TBC1D9: variants seen among roughly 807,000 people sequenced by gnomAD.
TBC1D9 encodes the protein TBC1 domain family member 9, also known as TBC1 domain family member 9A.
A neutral mutation model predicts 132.0 loss-of-function variants in TBC1D9; 63 were observed. The observed-to-expected ratio is 0.48, with a 90% CI of 0.39 to 0.59. The LOEUF (loss-of-function observed/expected upper bound fraction) is 0.59, where lower values mean the gene tolerates loss of function less well. TBC1D9 is among the 20% of genes least tolerant of loss of function. The pLI, the probability that TBC1D9 is intolerant of heterozygous loss-of-function variation, is 0.00. For synonymous variants in TBC1D9, 610 were observed against 609.9 expected (o/e 1.00, Z 0.00); for missense variants, 1,261 against 1,592.7 (o/e 0.79, Z 3.54).
chr4:140,710,531 C>G (rs1312879962), intron 1 of TBC1D9, among the ~76,000 whole-genome samples: 1 of 152,176 alleles, frequency 6.6e-6, no homozygotes, highest in Non-Finnish European at 1.5e-5. Context: ...TATGACTAAA[C>G]AAACAGAGCA....
At chr4:140,734,701 G>A (rs1738647971) in intron 1 of TBC1D9, among the ~76,000 whole-genome samples, 1 of 152,094 alleles carries the variant, frequency 6.6e-6, no homozygotes, top group Non-Finnish European at 1.5e-5. Flanking sequence ...AGGTTGAGGT[G>A]GGAAGAACGT....
At chr4:140,663,961 CTAATG>C (rs1737404336) in intron 9 of TBC1D9, among the ~76,000 whole-genome samples, 1 of 146,490 alleles carries the variant, frequency 6.8e-6, no homozygotes, top group Non-Finnish European at 1.5e-5. Flanking sequence ...TTCTGAAGAT[CTAATG>C]TAATACTGTA....
intron 13 of TBC1D9, among the ~76,000 whole-genome samples, chr4:140,649,969 T>C (rs1038250754): frequency 2.0e-5 from 3 of 152,228 alleles, no homozygotes; most frequent in Admixed American, 6.5e-5. Flanking sequence ...CGTAAAAATA[T>C]ATCATTTAAT....
At chr4:140,645,176 C>T in intron 13 of TBC1D9, 1 of 550,550 alleles carries the variant, frequency 1.8e-6, no homozygotes, top group Non-Finnish European at 3.6e-6. Flanking sequence ...CTCTGAGCAG[C>T]TTCTCCTGAT....
chr4:140,687,378 A>G (rs924391399), intron 2 of TBC1D9, among the ~76,000 whole-genome samples: 8 of 70,306 alleles, frequency 1.1e-4, no homozygotes, highest in Non-Finnish European at 1.7e-4. Context: ...ATATATATAT[A>G]TATATATATA....
chr4:140,631,603 T>C (rs1736796124), intron 16 of TBC1D9, among the ~76,000 whole-genome samples: 1 of 17,056 alleles, frequency 5.9e-5, no homozygotes, highest in Non-Finnish European at 1.1e-4. Flanking sequence ...TAGTTTTTCT[T>C]TTTTTTTTTT....
In TBC1D9 at chr4:140,647,282, A is replaced by C. The variant is rs1002457256; in HGVS notation, c.2338-7854T>G. Among the ~76,000 whole-genome samples, 3 of 152,216 alleles carry C rather than the reference A, an allele frequency of 2.0e-5. No individual in the cohort carries two copies. In the East Asian group the frequency reaches 5.8e-4, roughly 29 times the overall value. On this transcript the variant is annotated intron_variant, in intron 13 of 20. Coordinates refer to ENST00000442267, the MANE Select transcript of TBC1D9 (RefSeq NM_015130.3). Reference sequence around the variant, plus strand: ...GGCAAACCAAGGCTTGGAGAGGTTAATTAAGTCCCCCAGAGTTCCACAGTG... The same window carrying C: ...GGCAAACCAAGGCTTGGAGAGGTTACTTAAGTCCCCCAGAGTTCCACAGTG...
chr4:140,706,354 A>G lies in TBC1D9; in HGVS notation c.131-4740T>C, dbSNP rs1221711517. ...GGGAGTGGGCTCAGCTTTGGCTCAC[A>G]TACCAGCCAGTCCCTTAATCTCTCT... On this transcript the variant is annotated intron_variant, in intron 1 of 20. Coordinates refer to ENST00000442267, the MANE Select transcript of TBC1D9 (RefSeq NM_015130.3). This position sits in a 1 kb window ranked among gnomAD's most constrained non-coding sequence, Gnocchi z 4.0. Among the ~76,000 whole-genome samples, 2 of 152,210 alleles carry G rather than the reference A, an allele frequency of 1.3e-5. No individual in the cohort carries two copies. The highest frequency in any genetic ancestry group is 2.9e-5 in the Non-Finnish European group (2 of 68,026).
intron 3 of TBC1D9, among the ~76,000 whole-genome samples, chr4:140,681,082 A>G (rs1458825717): frequency 1.3e-5 from 2 of 152,126 alleles, no homozygotes; most frequent in Non-Finnish European, 2.9e-5. Flanking sequence ...GGATCCAACC[A>G]ATGCCGCAAC....
intron 1 of TBC1D9, among the ~76,000 whole-genome samples, chr4:140,711,239 G>T (rs1738238445): frequency 6.6e-6 from 1 of 152,170 alleles, no homozygotes; most frequent in Non-Finnish European, 1.5e-5. Context: ...TGTGCAACAG[G>T]AAGTTATATT....
In TBC1D9 at chr4:140,679,145, A is replaced by C. The variant is rs746138865; in HGVS notation, c.648T>G (p.Leu216=). ...ITQLEKNATL[L]LPDVIKVSTR... is the part of the protein sequence containing the mutation. ...TGCTCACTTTGATCACATCAGGCAGAAGCAGGGTGGCATTCTTCTCAAGCT... is the reference window on the plus strand; with the variant it reads ...TGCTCACTTTGATCACATCAGGCAGCAGCAGGGTGGCATTCTTCTCAAGCT... Residue 216 remains leucine, a synonymous_variant, in exon 5 of 21, where the codon CTT becomes CTG. Coordinates refer to ENST00000442267, the MANE Select transcript of TBC1D9 (RefSeq NM_015130.3). The C allele has an allele frequency of 5.6e-6, 9 of 1,613,760 alleles. No homozygotes were observed.
At chr4:140,705,079 T>A (rs1738130094) in intron 1 of TBC1D9, among the ~76,000 whole-genome samples, 1 of 152,214 alleles carries the variant, frequency 6.6e-6, no homozygotes. Flanking sequence ...GCACTGGATA[T>A]CCAAACAGAA....
chr4:140,643,083 G>A (rs1737033641), intron 13 of TBC1D9: 2 of 1,349,778 alleles, frequency 1.5e-6, no homozygotes, highest in Admixed American at 2.0e-5. Context: ...CTTATTGTGG[G>A]CTTCAGCTCC....
intron 18 of TBC1D9, 85 bp downstream of exon 18, chr4:140,627,356 C>T: frequency 1.2e-6 from 1 of 833,644 alleles, no homozygotes; most frequent in Non-Finnish European, 1.9e-6. Context: ...CTTTGATTGA[C>T]TAGCTTTGGA....
chr4:140,698,424 CT>C (rs1160169704), intron 2 of TBC1D9, among the ~76,000 whole-genome samples: 6 of 152,204 alleles, frequency 3.9e-5, no homozygotes, highest in African/African-American at 1.2e-4. Flanking sequence ...TTGTCATTCG[CT>C]GGGCTGTTTG....
rs1409342610 is a variant in TBC1D9 at position 140,686,256 on chromosome 4, GGTAT to G, written c.360+84_360+87del. ...GGTGAATTTGGGCAAAGGGTATACAGGTATGTTTTACTCAATTCTTATTTTTACA... is the reference window on the plus strand; with the variant it reads ...GGTGAATTTGGGCAAAGGGTATACAGGTTTTACTCAATTCTTATTTTTACA... On this transcript the variant is annotated intron_variant, in intron 3 of 20. Coordinates refer to ENST00000442267, the MANE Select transcript of TBC1D9 (RefSeq NM_015130.3). 9 of 845,382 alleles carry G rather than the reference GGTAT, an allele frequency of 1.1e-5. No homozygotes were observed. The Admixed American group carries it at 2.0e-4, about 19-fold the overall frequency. The allele number at this position is 845,382 out of a possible 1,614,324, so 52.4% of individuals were successfully genotyped here. A position where few individuals can be genotyped will look rare whatever the true frequency, so the allele number is the denominator to read the frequency against.
At chr4:140,690,295 C>A (rs1349896834) in intron 2 of TBC1D9, among the ~76,000 whole-genome samples, 1 of 152,128 alleles carries the variant, frequency 6.6e-6, no homozygotes, top group African/African-American at 2.4e-5. Context: ...CTGTTGCCTC[C>A]TCTGCTGCCT....
At chr4:140,660,333 A>G (rs971837180) in intron 10 of TBC1D9, among the ~76,000 whole-genome samples, 22 of 152,360 alleles carry the variant, frequency 1.4e-4, no homozygotes, top group African/African-American at 5.3e-4. Flanking sequence ...TAGTCTTCTT[A>G]ATTAAAAAGA....
intron 13 of TBC1D9, among the ~76,000 whole-genome samples, chr4:140,650,861 A>T (rs1222932592): frequency 2.6e-5 from 4 of 152,062 alleles, no homozygotes; most frequent in Non-Finnish European, 4.4e-5. Flanking sequence ...ACACACCAAT[A>T]ATGTAAAGTT....
Sources: gnomAD v4.1 joint callset for allele counts (sites outside exome capture counted in the v4.1 genomes callset) on GRCh38, gnomAD v4.1.1 for gene constraint, Gnocchi (gnomAD v3.1) non-coding constraint, MANE v1.5 for transcripts, NCBI Gene and HGNC (gene_info 2026-07-23, HGNC 2026-07-21) for gene names.